Variants in EML4 observed in about 807,000 individuals in gnomAD.
The protein encoded by EML4 is EMAP like 4.
A neutral mutation model predicts 129.0 loss-of-function variants in EML4; 72 were observed. The observed-to-expected ratio is 0.56, with a 90% CI of 0.46 to 0.68. The LOEUF (loss-of-function observed/expected upper bound fraction) is 0.68, where lower values mean the gene tolerates loss of function less well. Among genes scored for constraint, EML4 ranks in the 30% least tolerant of loss-of-function variants. EML4 has a pLI of 0.00. For missense variants in EML4, 1,363 were observed against 1,190.6 expected (o/e 1.14, Z -2.13); for synonymous variants, 532 against 405.0 (o/e 1.31, Z -3.77).
intron 6 of EML4, among the ~76,000 whole-genome samples, chr2:42,279,461 C>CTTT (rs752973076): frequency 7.0e-6 from 1 of 142,418 alleles, no homozygotes; most frequent in African/African-American, 2.6e-5. Context: ...CACTTGCCGT[C>CTTT]TTTTTTTTTT....
At chr2:42,174,538 G>T (rs4516480) in intron 1 of EML4, among the ~76,000 whole-genome samples, 112,755 of 152,082 alleles carry the variant, frequency 0.74, 42,838 homozygotes, top group African/African-American at 0.9. Context: ...TGATGGCCAC[G>T]CACCTTGGCC....
In EML4 at chr2:42,287,456, T is replaced by C. The variant is rs144607357; in HGVS notation, c.1123-771T>C. On this transcript the variant is annotated intron_variant, in intron 10 of 22. Transcript: ENST00000318522. ...ACTCTATCTTTTCTAATTCAGATAA[T>C]ATTCCAATTTAGGCTAAGAGATAAA... Among the ~76,000 whole-genome samples, 11 of 152,272 alleles carry C rather than the reference T, an allele frequency of 7.2e-5. No homozygotes were observed. The East Asian group carries it at 2.1e-3, about 29-fold the overall frequency.
chr2:42,299,025 G>A (rs886441072), intron 13 of EML4, among the ~76,000 whole-genome samples: 3 of 152,142 alleles, frequency 2.0e-5, no homozygotes, highest in African/African-American at 7.2e-5. Context: ...TCAGAACAGA[G>A]ATAGATACTT....
intron 1 of EML4, among the ~76,000 whole-genome samples, chr2:42,209,542 TTTAG>T (rs1339119617): frequency 1.3e-5 from 2 of 152,210 alleles, no homozygotes; most frequent in Non-Finnish European, 2.9e-5. Context: ...TTTTTCAAAC[TTTAG>T]TTATCTGAGT....
At chr2:42,255,195 C>T (rs1046330717) in intron 2 of EML4, among the ~76,000 whole-genome samples, 4 of 152,070 alleles carry the variant, frequency 2.6e-5, no homozygotes, top group African/African-American at 7.2e-5. Context: ...CTGCCATTCT[C>T]CTGCCTCAGC....
At chr2:42,247,469 C>G (rs11124866) in intron 2 of EML4, among the ~76,000 whole-genome samples, 37,983 of 151,808 alleles carry the variant, frequency 0.25, 5,643 homozygotes, top group East Asian at 0.36. Flanking sequence ...CCACTCTTTT[C>G]CCTCTTGGCC....
chr2:42,318,749 C>T (rs1669372391), intron 19 of EML4, among the ~76,000 whole-genome samples: 2 of 152,074 alleles, frequency 1.3e-5, no homozygotes, highest in Admixed American at 1.3e-4. Flanking sequence ...ACTTTTGAGA[C>T]AGGGTCTTAC....
At chr2:42,239,317 T>G (rs1482264089) in intron 1 of EML4, among the ~76,000 whole-genome samples, 1 of 152,226 alleles carries the variant, frequency 6.6e-6, no homozygotes. Context: ...CTTTTGGATA[T>G]TTATAATGAA....
intron 3 of EML4, among the ~76,000 whole-genome samples, chr2:42,257,616 A>AG (rs1676242965): frequency 6.6e-6 from 1 of 152,164 alleles, no homozygotes; most frequent in Non-Finnish European, 1.5e-5. Context: ...CGGGCGGATC[A>AG]CGAGGTCAGG....
intron 5 of EML4, among the ~76,000 whole-genome samples, chr2:42,263,770 G>T (rs1195388251): frequency 2.0e-5 from 3 of 151,416 alleles, no homozygotes; most frequent in African/African-American, 7.3e-5. Flanking sequence ...TCACTCTGTT[G>T]CCAGGCTGGA....
intron 3 of EML4, among the ~76,000 whole-genome samples, chr2:42,260,453 A>C (rs1426649138): frequency 6.6e-6 from 1 of 152,244 alleles, no homozygotes; most frequent in African/African-American, 2.4e-5. Context: ...GGCGTGAGCC[A>C]GTGCGCCCAG....
chr2:42,321,243 C>T (rs1013092501), intron 19 of EML4, among the ~76,000 whole-genome samples: 10 of 151,898 alleles, frequency 6.6e-5, no homozygotes, highest in Admixed American at 2.0e-4. Context: ...ATTAGCCGGG[C>T]GTGGTGGCGG....
At chr2:42,208,032 C>G (rs888234054) in intron 1 of EML4, 1 of 152,176 alleles carries the variant, frequency 6.6e-6, no homozygotes, top group Non-Finnish European at 1.5e-5. Context: ...CGAGAGCGTA[C>G]TTCGTGATAG....
intron 1 of EML4, among the ~76,000 whole-genome samples, chr2:42,178,813 T>C (rs1670767219): frequency 6.6e-6 from 1 of 152,106 alleles, no homozygotes; most frequent in Admixed American, 6.6e-5. Flanking sequence ...GCTTCTAAAG[T>C]GGAGGGGGCT....
intron 13 of EML4, among the ~76,000 whole-genome samples, chr2:42,300,380 A>G (rs1668214789): frequency 6.6e-6 from 1 of 152,346 alleles, no homozygotes; most frequent in African/African-American, 2.4e-5. Context: ...TCTCACCCTT[A>G]AAAGGGGGCA....
intron 3 of EML4, among the ~76,000 whole-genome samples, chr2:42,260,858 A>G (rs537496900): frequency 6.6e-6 from 1 of 152,234 alleles, no homozygotes; most frequent in Admixed American, 6.5e-5. Context: ...CCAAGATGGC[A>G]AAGTTTATTA....
chr2:42,287,321 G>T (rs1667363528), intron 10 of EML4, among the ~76,000 whole-genome samples: 1 of 152,110 alleles, frequency 6.6e-6, no homozygotes. Context: ...GGTCATAAAG[G>T]CAATACTTTT....
At chr2:42,261,850 T>C (rs917732571) in intron 4 of EML4, among the ~76,000 whole-genome samples, 1 of 152,284 alleles carries the variant, frequency 6.6e-6, no homozygotes, top group East Asian at 1.9e-4. Flanking sequence ...GCTTGAGGGC[T>C]TCTGTGTCCG....
chr2:42,303,785 C>T (rs1363540599), intron 16 of EML4, among the ~76,000 whole-genome samples: 2 of 152,030 alleles, frequency 1.3e-5, no homozygotes, highest in South Asian at 2.1e-4. Context: ...ATTAGCCAGG[C>T]GTGGTGGTGG....
Sources: allele counts gnomAD v4.1 joint callset (sites outside exome capture counted in the v4.1 genomes callset), GRCh38; gene constraint gnomAD v4.1.1; transcripts MANE v1.5; gene names NCBI Gene and HGNC (gene_info 2026-07-23, HGNC 2026-07-21).